Variants in DIS3L2 observed in about 807,000 individuals in gnomAD.
DIS3L2 encodes DIS3-like exonuclease 2.
Under a neutral mutation model 97.5 loss-of-function variants are expected in DIS3L2, and 34 were observed. The observed-to-expected ratio is 0.35, with a 90% CI of 0.27 to 0.46. The LOEUF is 0.46. Among genes scored for constraint, DIS3L2 ranks in the 20% least tolerant of loss-of-function variants. The probability of loss-of-function intolerance (pLI) is 1.00; values close to 1 mark genes in which losing one functional copy is unlikely to be tolerated. For synonymous variants in DIS3L2, 435 were observed against 445.2 expected (o/e 0.98, Z 0.29); for missense variants, 1,038 against 1,146.0 (o/e 0.91, Z 1.36).
At chr2:232,060,056 A>C (rs1423527398) in intron 5 of DIS3L2, among the ~76,000 whole-genome samples, 2 of 152,080 alleles carry the variant, frequency 1.3e-5, no homozygotes, top group African/African-American at 4.8e-5. Flanking sequence ...CTCCTTATAC[A>C]TTCTGGTTGT....
At chr2:231,996,973 C>G (rs1263125919) in intron 1 of DIS3L2, among the ~76,000 whole-genome samples, 1 of 152,262 alleles carries the variant, frequency 6.6e-6, no homozygotes, top group Non-Finnish European at 1.5e-5. Flanking sequence ...CCCTTTCCCC[C>G]ACCCTGTTGG....
At chr2:232,133,576 G>T (rs1574900232) in intron 7 of DIS3L2, among the ~76,000 whole-genome samples, 2 of 152,260 alleles carry the variant, frequency 1.3e-5, no homozygotes, top group East Asian at 3.9e-4. Context: ...CAACACTGAG[G>T]TCTTGCAGTT....
At chr2:232,002,146 C>T (rs1230610297) in intron 1 of DIS3L2, among the ~76,000 whole-genome samples, 4 of 152,180 alleles carry the variant, frequency 2.6e-5, no homozygotes, top group Non-Finnish European at 4.4e-5. Flanking sequence ...TTCCCCACTA[C>T]GTATTCTTGG....
chr2:232,081,327 T>C (rs1306240586), intron 5 of DIS3L2, among the ~76,000 whole-genome samples: 1 of 152,056 alleles, frequency 6.6e-6, no homozygotes, highest in Non-Finnish European at 1.5e-5. Context: ...AAAACATCCA[T>C]CCATTATTAT....
chr2:231,992,323 A>T (rs1400522449), intron 1 of DIS3L2, among the ~76,000 whole-genome samples: 1 of 152,024 alleles, frequency 6.6e-6, no homozygotes, highest in African/African-American at 2.4e-5. Context: ...AGGGAGCTTG[A>T]AGAGTACGGG....
Position 232,300,087 on chromosome 2 carries a change from A to T in DIS3L2, c.1707A>T (p.Gly569=), listed in dbSNP as rs776261138. 2 of 1,613,806 alleles carry T rather than the reference A, an allele frequency of 1.2e-6. No individual in the cohort carries two copies. The highest frequency in any genetic ancestry group is 8.5e-7 in the Non-Finnish European group (1 of 1,179,812). ...TLDHETGLPQ[G]CHIYEYRESN... is the part of the protein sequence containing the mutation. The stretch of plus-strand genomic sequence containing the variant: ...ACCACGAGACCGGATTGCCTCAAGG[A>T]TGTCATATCTATGAGTACCGCGAGA... Residue 569 remains glycine (G), a synonymous_variant, in exon 14 of 21, where the codon GGA becomes GGT. Transcript: ENST00000325385.
downstream of DIS3L2, among the ~76,000 whole-genome samples, chr2:232,338,897 C>T (rs144993107): frequency 0.023 from 3,485 of 152,216 alleles, 1 homozygote; most frequent in Non-Finnish European, 0.029. Flanking sequence ...CAGCACCTGC[C>T]GGCCAGGGCC....
At chr2:232,133,062 G>A (rs538784279) in intron 7 of DIS3L2, among the ~76,000 whole-genome samples, 2 of 152,294 alleles carry the variant, frequency 1.3e-5, no homozygotes, top group South Asian at 2.1e-4. Context: ...GTGTGGTCCA[G>A]GAAGCCTCTT....
intron 13 of DIS3L2, among the ~76,000 whole-genome samples, chr2:232,265,884 C>T (rs1337012113): frequency 1.3e-5 from 2 of 152,060 alleles, no homozygotes; most frequent in Admixed American, 6.6e-5. Flanking sequence ...TGTAGAATTC[C>T]GGTTAGCATT....
At position 232,187,305 on chromosome 2, in the gene DIS3L2, T is replaced by C. The variant is rs185762832; in HGVS notation, c.1125-23021T>C. The stretch of plus-strand genomic sequence containing the variant: ...AATTGGAACCCTCTTATACTGCTGG[T>C]GAGAATGTAAAATGGTGCAGCCATT... On this transcript the variant is annotated intron_variant, in intron 9 of 20. Transcript: ENST00000325385. Among the ~76,000 whole-genome samples the C allele has an allele frequency of 9.9e-4, 151 of 152,234 alleles. 3 individuals carry two copies. Among genetic ancestry groups the C allele is most frequent in the Middle Eastern group, 3.4e-3 (1 of 294 alleles).
intron 9 of DIS3L2, among the ~76,000 whole-genome samples, chr2:232,205,577 C>A (rs1692006945): frequency 6.6e-6 from 1 of 152,022 alleles, no homozygotes; most frequent in Admixed American, 6.5e-5. Context: ...GCTGGAATTA[C>A]AGCCATGAGC....
intron 1 of DIS3L2, among the ~76,000 whole-genome samples, chr2:231,972,073 T>C (rs1274544349): frequency 1.3e-5 from 2 of 151,590 alleles, no homozygotes; most frequent in Non-Finnish European, 2.9e-5. Context: ...TAATCCCAGC[T>C]ACTCAGGAGG....
downstream of DIS3L2, among the ~76,000 whole-genome samples, chr2:232,338,952 G>A: frequency 6.6e-6 from 1 of 152,258 alleles, no homozygotes; most frequent in Non-Finnish European, 1.5e-5. Flanking sequence ...GACACCGTGG[G>A]GGAGGGAGGG....
At position 232,263,268 on chromosome 2, in the gene DIS3L2, A is replaced by T; in HGVS notation, c.1487A>T (p.His496Leu). Residue 496 changes from histidine (H) to leucine (L), a missense_variant, in exon 13 of 21, where the codon CAT (histidine) becomes CTT (leucine). His to Leu is a moderately conservative substitution (Grantham distance 99). Around this residue, in one of 3 missense-constraint regions of DIS3L2, gnomAD observed 813 missense variants for 880.1 expected, o/e 0.92. Transcript: ENST00000325385. ...IRSCTKLSYE[H>L]AQSMIESPTE... is the part of the protein sequence containing the mutation. ...TCCTGCACCAAACTTAGCTACGAGCATGCACAGAGCATGATTGAAAGCCCA... is the reference window on the plus strand; with the variant it reads ...TCCTGCACCAAACTTAGCTACGAGCTTGCACAGAGCATGATTGAAAGCCCA... 1 of 1,614,232 alleles carries T rather than the reference A, an allele frequency of 6.2e-7. No individual in the cohort carries two copies. Among genetic ancestry groups the T allele is most frequent in the Non-Finnish European group, 8.5e-7 (1 of 1,180,046 alleles).
intron 14 of DIS3L2, among the ~76,000 whole-genome samples, chr2:232,321,739 T>C (rs1330780391): frequency 6.6e-6 from 1 of 152,114 alleles, no homozygotes; most frequent in African/African-American, 2.4e-5. Context: ...CGGGCCTGAG[T>C]GCTGCTTCTG....
At chr2:232,229,482 C>T (rs921389447) in intron 10 of DIS3L2, among the ~76,000 whole-genome samples, 1 of 152,216 alleles carries the variant, frequency 6.6e-6, no homozygotes, top group Non-Finnish European at 1.5e-5. Flanking sequence ...CAGGCTTGAC[C>T]GGCTGACCTG....
At chr2:232,333,133 ACCTCCTCCTT>A (rs1559218289) in intron 16 of DIS3L2, among the ~76,000 whole-genome samples, 3 of 136,902 alleles carry the variant, frequency 2.2e-5, no homozygotes, top group African/African-American at 8.4e-5. Context: ...GACCACCACC[ACCTCCTCCTT>A]CCACCACCTC....
At chr2:232,159,555 A>T (rs2106373745) in intron 8 of DIS3L2, among the ~76,000 whole-genome samples, 1 of 152,348 alleles carries the variant, frequency 6.6e-6, no homozygotes, top group Non-Finnish European at 1.5e-5. Context: ...CGGGAATTGT[A>T]GTCCTTTGTC....
intron 7 of DIS3L2, chr2:232,131,568 C>T (rs1164893370): frequency 6.6e-6 from 1 of 152,136 alleles, no homozygotes; most frequent in Admixed American, 6.6e-5. Flanking sequence ...AGGTGTGAGC[C>T]AACATGCTCG....
Sources: gnomAD v4.1 joint callset for allele counts (sites outside exome capture counted in the v4.1 genomes callset) on GRCh38, gnomAD v4.1.1 for gene constraint, gnomAD v4.1.1 regional missense constraint, MANE v1.5 for transcripts, NCBI Gene and HGNC (gene_info 2026-07-23, HGNC 2026-07-21) for gene names.